UBE3D: variants seen among roughly 807,000 people sequenced by gnomAD.
The protein encoded by UBE3D is ubiquitin protein ligase E3D.
UBE3D carries 48 observed loss-of-function variants against 49.6 expected under a neutral mutation model. The observed-to-expected ratio is 0.97, with a 90% CI of 0.77 to 1.23. The LOEUF (loss-of-function observed/expected upper bound fraction) is 1.23. Among genes scored for constraint, UBE3D ranks in the 50% most tolerant of loss-of-function variants. UBE3D has a pLI of 0.00. For missense variants in UBE3D, 452 were observed against 468.4 expected (o/e 0.96, Z 0.32); for synonymous variants, 189 against 174.2 (o/e 1.08, Z -0.67).
intron 8 of UBE3D, among the ~76,000 whole-genome samples, chr6:82,977,697 C>T (rs2127714579): frequency 6.6e-6 from 1 of 151,924 alleles, no homozygotes; most frequent in Non-Finnish European, 1.5e-5. Context: ...AATTAGCTGG[C>T]CGTGGTGGTG....
At chr6:82,882,629 T>C in the UBE3D span, among the ~76,000 whole-genome samples, 1 of 152,332 alleles carries the variant, frequency 6.6e-6, no homozygotes, top group South Asian at 2.1e-4. Context: ...TAAGAGATTT[T>C]GAAGCAGAAG....
chr6:83,018,857 A>C, intron 8 of UBE3D, 116 bp downstream of exon 8: 175 of 1,063,594 alleles, frequency 1.6e-4, no homozygotes, highest in Non-Finnish European at 2.2e-4. Context: ...ATTGGCTCCT[A>C]GAAGCTTCAA....
Position 82,912,576 on chromosome 6 carries a change from C to T in UBE3D, c.1150-19534G>A, listed in dbSNP as rs542730855. Among the ~76,000 whole-genome samples, 5 of 151,948 alleles carry T rather than the reference C, an allele frequency of 3.3e-5. No homozygotes were observed. The South Asian group carries it at 6.2e-4, about 19-fold the overall frequency. On this transcript the variant is annotated intron_variant, in intron 9 of 9. Coordinates refer to ENST00000369747, the MANE Select transcript of UBE3D (RefSeq NM_198920.3). ...TAACTACACAGAAGGATTTGGGAAG[C>T]GGAATATAAAAGACCTATCAAGAGC...
At chr6:82,974,313 G>A (rs1281594903) in intron 8 of UBE3D, among the ~76,000 whole-genome samples, 1 of 152,094 alleles carries the variant, frequency 6.6e-6, no homozygotes, top group East Asian at 1.9e-4. Flanking sequence ...CAGTGTATGT[G>A]TGTACAGTGA....
At chr6:82,895,850 T>G (rs1771278220) in intron 9 of UBE3D, among the ~76,000 whole-genome samples, 2 of 152,236 alleles carry the variant, frequency 1.3e-5, no homozygotes, top group South Asian at 4.1e-4. Flanking sequence ...ACTTCCAATC[T>G]TTGGTATTGC....
chr6:83,027,842 A>C (rs1256797478), intron 5 of UBE3D, among the ~76,000 whole-genome samples: 1 of 152,212 alleles, frequency 6.6e-6, no homozygotes, highest in African/African-American at 2.4e-5. Flanking sequence ...CTCAACAATT[A>C]TCTCTTCAAA....
intron 8 of UBE3D, among the ~76,000 whole-genome samples, chr6:83,000,372 C>A (rs1188634497): frequency 6.6e-6 from 1 of 152,164 alleles, no homozygotes; most frequent in Non-Finnish European, 1.5e-5. Flanking sequence ...TTATCTATCC[C>A]AGTATATAGT....
intron 9 of UBE3D, among the ~76,000 whole-genome samples, chr6:82,903,051 C>T (rs1175139740): frequency 6.6e-6 from 1 of 152,148 alleles, no homozygotes; most frequent in East Asian, 1.9e-4. Flanking sequence ...AGCTCCCTTC[C>T]ATTTAATTAT....
chr6:83,065,199 G>T (rs1784415404), intron 1 of UBE3D, among the ~76,000 whole-genome samples: 1 of 152,142 alleles, frequency 6.6e-6, no homozygotes, highest in African/African-American at 2.4e-5. Flanking sequence ...AAAGACCCGA[G>T]GTTATTTACA....
intron 5 of UBE3D, among the ~76,000 whole-genome samples, chr6:83,025,140 A>G (rs1781366131): frequency 6.6e-6 from 1 of 152,184 alleles, no homozygotes; most frequent in African/African-American, 2.4e-5. Flanking sequence ...TCTGTCCATT[A>G]CACTAACCAC....
At chr6:83,002,990 C>T (rs9359553) in intron 8 of UBE3D, among the ~76,000 whole-genome samples, 116,699 of 152,158 alleles carry the variant, frequency 0.77, 44,928 homozygotes, top group East Asian at 0.9. Context: ...ATTTACCATG[C>T]TGCCTTAACG....
At chr6:82,980,580 A>G (rs1053812908) in intron 8 of UBE3D, among the ~76,000 whole-genome samples, 31 of 152,014 alleles carry the variant, frequency 2.0e-4, no homozygotes, top group African/African-American at 7.2e-4. Flanking sequence ...TAGTTTAATT[A>G]AGTCCTATTT....
intron 9 of UBE3D, among the ~76,000 whole-genome samples, chr6:82,935,013 A>C (rs1368260194): frequency 7.1e-6 from 1 of 139,986 alleles, no homozygotes; most frequent in Non-Finnish European, 1.6e-5. Flanking sequence ...GAATGACTCT[A>C]ATAGTATTAG....
chr6:82,995,989 T>G (rs1180439610), intron 8 of UBE3D, among the ~76,000 whole-genome samples: 1 of 151,960 alleles, frequency 6.6e-6, no homozygotes, highest in Non-Finnish European at 1.5e-5. Context: ...TCACTTGAAC[T>G]GGGAGGCAGA....
chr6:83,042,200 G>A (rs1254296013), intron 4 of UBE3D, among the ~76,000 whole-genome samples: 2 of 152,142 alleles, frequency 1.3e-5, no homozygotes, highest in Non-Finnish European at 2.9e-5. Flanking sequence ...GAGCCACTGC[G>A]CCCGGCCCAA....
intron 5 of UBE3D, among the ~76,000 whole-genome samples, chr6:83,029,717 G>A (rs966899865): frequency 1.3e-5 from 2 of 152,192 alleles, no homozygotes; most frequent in East Asian, 1.9e-4. Context: ...TTGCTCTTCT[G>A]AAGGTTGTTG....
In UBE3D at chr6:83,052,140, G is replaced by GAGGT. The variant is rs561597223; in HGVS notation, c.365+2004_365+2007dup. On this transcript the variant is annotated intron_variant, in intron 3 of 9. Coordinates refer to ENST00000369747, the MANE Select transcript of UBE3D (RefSeq NM_198920.3). The stretch of plus-strand genomic sequence containing the variant: ...CACTCCATTCTCCTAGCAACCATAT[G>GAGGT]AGGTAGGTCCTACTGTTAGCCACAT... Among the ~76,000 whole-genome samples the GAGGT allele has an allele frequency of 6.4e-4, 97 of 152,290 alleles. 1 individual carries two copies. The highest frequency in any genetic ancestry group is 2.2e-3 in the African/African-American group (90 of 41,556).
intron 3 of UBE3D, chr6:83,049,703 C>A: frequency 2.1e-6 from 1 of 469,112 alleles, no homozygotes; most frequent in South Asian, 1.6e-5. Context: ...CCTAGCACTA[C>A]CTTACCAGTG....
intron 9 of UBE3D, among the ~76,000 whole-genome samples, chr6:82,895,077 C>G (rs1771214855): frequency 1.3e-5 from 2 of 152,060 alleles, no homozygotes; most frequent in South Asian, 4.2e-4. Context: ...TTTGCGAGGC[C>G]AAGGCAGGCA....
Sources: gnomAD v4.1 joint callset for allele counts (sites outside exome capture counted in the v4.1 genomes callset) on GRCh38, gnomAD v4.1.1 for gene constraint, MANE v1.5 for transcripts, NCBI Gene and HGNC (gene_info 2026-07-23, HGNC 2026-07-21) for gene names.